The following ERCC3 variants were observed in gnomAD, a reference collection of about 807,000 sequenced individuals.
ERCC3 encodes ERCC excision repair 3, TFIIH core complex helicase subunit, also known as general transcription and DNA repair factor IIH helicase/translocase subunit XPB.
ERCC3 carries 66 observed loss-of-function variants against 94.2 expected under a neutral mutation model. That is an observed-to-expected ratio of 0.70 (90% CI 0.57 to 0.86). ERCC3 has a LOEUF of 0.86. Ranked by LOEUF, ERCC3 falls within the 40% of genes least tolerant of loss-of-function variation. The probability of loss-of-function intolerance (pLI) is 0.00; values close to 1 mark genes in which losing one functional copy is unlikely to be tolerated. For synonymous variants in ERCC3, 349 were observed against 369.1 expected, an observed-to-expected ratio of 0.95 and a Z score of 0.63; for missense variants, 829 against 987.1, an observed-to-expected ratio of 0.84 and a Z score of 2.15.
At position 127,259,204 on chromosome 2, in the gene ERCC3, C is replaced by A. The variant is rs889404607; in HGVS notation, c.2217+92G>T. 2.8e-6 allele frequency: 4 copies of A among 1,441,676 alleles called. No homozygotes were observed. Among genetic ancestry groups the A allele is most frequent in the Non-Finnish European group, 3.9e-6 (4 of 1,027,936 alleles). The allele number at this position is 1,441,676 out of a possible 1,614,324, so 89.3% of individuals were successfully genotyped here. On this transcript the variant is annotated intron_variant, in intron 14 of 14. Coordinates refer to ENST00000285398, the MANE Select transcript of ERCC3 (RefSeq NM_000122.2). The surrounding 1 kb of genome is among the most constrained non-coding windows in gnomAD (Gnocchi z 4.9). ...CATTTCCAAAAAAATCCCATGGGCC[C>A]ATCCAGGCAGGACTACATGTCTGTG...
Position 127,264,450 on chromosome 2 carries a change from G to A in ERCC3, c.1946-3104C>T, listed in dbSNP as rs1308437709. 6.6e-6 allele frequency among the ~76,000 whole-genome samples: 1 copy of A among 152,192 alleles called. No homozygotes were observed. Among genetic ancestry groups the A allele is most frequent in the Non-Finnish European group, 1.5e-5 (1 of 68,034 alleles). ...CATTGCACTCCAGCCTGGGCAACAA[G>A]AGCAAGACTCTGCCTCAAAAAAACA... On this transcript the variant is annotated intron_variant, in intron 12 of 14. Coordinates refer to ENST00000285398, the MANE Select transcript of ERCC3 (RefSeq NM_000122.2). The surrounding 1 kb of genome is among the most constrained non-coding windows in gnomAD (Gnocchi z 4.4).
Position 127,289,684 on chromosome 2 carries a change from C to T in ERCC3, c.657+5G>A, listed in dbSNP as rs1245080329. 3 of 1,614,162 alleles carry T rather than the reference C, an allele frequency of 1.9e-6. No individual in the cohort carries two copies. Among genetic ancestry groups the T allele is most frequent in the Non-Finnish European group, 2.5e-6 (3 of 1,180,032 alleles). On this transcript the variant is annotated splice_donor_5th_base_variant and intron_variant, in intron 5 of 14. Coordinates refer to ENST00000285398, the MANE Select transcript of ERCC3 (RefSeq NM_000122.2). ...CACCCAAGGGTGGCCCAGGAGTCCA[C>T]ATACGGCAGATTTGCTTGTGAAAGT...
At chr2:127,289,643 C>T (rs765395716) in intron 5 of ERCC3, 46 bp downstream of exon 5, 6 of 1,613,416 alleles carry the variant, frequency 3.7e-6, no homozygotes, top group South Asian at 1.1e-5. Context: ...GAACTGAAAT[C>T]CTAAATGCCT....
rs1317774844 is a variant in ERCC3, at chr2:127,277,278, C to T, written c.1730+1895G>A. Among the ~76,000 whole-genome samples, 1 of 152,050 alleles carries T rather than the reference C, an allele frequency of 6.6e-6. No homozygotes were observed. Among genetic ancestry groups the T allele is most frequent in the East Asian group, 1.9e-4 (1 of 5,190 alleles). ...AACAGAACTGAGAAATTACCTGACC[C>T]TACTGAGTTTATGGTTATGTGAAGA... On this transcript the variant is annotated intron_variant, in intron 10 of 14. Coordinates refer to ENST00000285398, the MANE Select transcript of ERCC3 (RefSeq NM_000122.2). The surrounding 1 kb of genome is among the most constrained non-coding windows in gnomAD (Gnocchi z 5.1).
chr2:127,263,613 A>C (rs962058764), intron 12 of ERCC3, among the ~76,000 whole-genome samples: 3 of 149,838 alleles, frequency 2.0e-5, no homozygotes, highest in Non-Finnish European at 4.4e-5. Context: ...GATGCCTTTT[A>C]TTTCTTTATC....
Position 127,279,589 on chromosome 2 carries a change from C to T in ERCC3, c.1528-214G>A, listed in dbSNP as rs960025512. On this transcript the variant is annotated intron_variant, in intron 9 of 14. Transcript: ENST00000285398. The surrounding 1 kb of genome is among the most constrained non-coding windows in gnomAD (Gnocchi z 4.7). ...CCAGCCTGGCCAACACAGTGAAACC[C>T]AGTCTCTACTAAAAATACAAAAATT... Among the ~76,000 whole-genome samples the T allele has an allele frequency of 1.3e-5, 2 of 152,094 alleles. No homozygotes were observed. The highest frequency in any genetic ancestry group is 4.8e-5 in the African/African-American group (2 of 41,406).
chr2:127,259,533 G>C lies in ERCC3; in HGVS notation c.2065-85C>G. On this transcript the variant is annotated intron_variant, in intron 13 of 14. Transcript: ENST00000285398. The surrounding 1 kb of genome is among the most constrained non-coding windows in gnomAD (Gnocchi z 4.9). The stretch of plus-strand genomic sequence containing the variant: ...GCCTTCTCCTGGGTCCACCTGCTTT[G>C]GTCACTTCCCTCCCCAGGCCCAGCC... 2 of 1,578,934 alleles carry C rather than the reference G, an allele frequency of 1.3e-6. No homozygotes were observed. The highest frequency in any genetic ancestry group is 1.7e-6 in the Non-Finnish European group (2 of 1,155,510).
intron 10 of ERCC3, 39 bp from the exon 11 acceptor site, chr2:127,273,000 G>A: frequency 1.6e-6 from 2 of 1,254,774 alleles, no homozygotes; most frequent in South Asian, 2.4e-5. Flanking sequence ...ACAGAATAAT[G>A]CCTCAGTTAT....
At chr2:127,272,317 G>A (rs1473744923) in intron 11 of ERCC3, among the ~76,000 whole-genome samples, 3 of 152,070 alleles carry the variant, frequency 2.0e-5, no homozygotes, top group Non-Finnish European at 2.9e-5. Flanking sequence ...GAGCCACCGC[G>A]CCCGGTTGTA....
rs536936407 is a variant in ERCC3, at chr2:127,259,244, C to T, written c.2217+52G>A. Reference sequence around the variant, plus strand: ...ACATGTCTGTGTCTGTGTCTACAAACGCTGCCCTGTGAGAGCACTGACACC... The same window carrying T: ...ACATGTCTGTGTCTGTGTCTACAAATGCTGCCCTGTGAGAGCACTGACACC... On this transcript the variant is annotated intron_variant, in intron 14 of 14. Transcript: ENST00000285398. The surrounding 1 kb of genome is among the most constrained non-coding windows in gnomAD (Gnocchi z 4.9). 13 of 1,606,672 alleles carry T rather than the reference C, an allele frequency of 8.1e-6. No individual in the cohort carries two copies. The highest frequency in any genetic ancestry group is 6.7e-5 in the Admixed American group (4 of 59,982).
In ERCC3 at chr2:127,288,806, T is replaced by G; in HGVS notation, c.881A>C (p.Glu294Ala). The change falls in exon 7 of 15, where the codon GAA becomes GCA. Residue 294 changes from glutamate to alanine, a missense_variant. By Grantham distance (107) the Glu-to-Ala change is moderately radical. Coordinates refer to ENST00000285398, the MANE Select transcript of ERCC3 (RefSeq NM_000122.2). ...GACAGAATCATTCCGGAAGTCATAT[T>G]CTGCCAACAGAGGGTACTCCAGGTG... is the stretch of plus-strand genomic sequence containing the variant. ...CIHLEYPLLAEYDFRNDSVNP... is the reference protein window; with the variant it reads ...CIHLEYPLLAAYDFRNDSVNP... The G allele has an allele frequency of 6.2e-7, 1 of 1,614,132 alleles. No individual in the cohort carries two copies. Among genetic ancestry groups the G allele is most frequent in the Non-Finnish European group, 8.5e-7 (1 of 1,179,990 alleles).
intron 12 of ERCC3, among the ~76,000 whole-genome samples, chr2:127,269,657 A>G (rs186838947): frequency 0.062 from 9,316 of 150,944 alleles, 490 homozygotes; most frequent in Non-Finnish European, 0.096. Flanking sequence ...TCCTGACCTC[A>G]TGATCTGCCT....
chr2:127,259,222 T>C lies in ERCC3; in HGVS notation c.2217+74A>G. On this transcript the variant is annotated intron_variant, in intron 14 of 14. Coordinates refer to ENST00000285398, the MANE Select transcript of ERCC3 (RefSeq NM_000122.2). The surrounding 1 kb of genome is among the most constrained non-coding windows in gnomAD (Gnocchi z 4.9). ...ATGGGCCCATCCAGGCAGGACTACA[T>C]GTCTGTGTCTGTGTCTACAAACGCT... is the stretch of plus-strand genomic sequence containing the variant. The C allele has an allele frequency of 1.3e-6, 2 of 1,553,802 alleles. No homozygotes were observed. The highest frequency in any genetic ancestry group is 8.9e-7 in the Non-Finnish European group (1 of 1,126,598).
intron 1 of ERCC3, 149 bp from the exon 2 acceptor site, chr2:127,293,867 T>A (rs1402277701): frequency 6.5e-7 from 1 of 1,545,070 alleles, no homozygotes; most frequent in African/African-American, 1.4e-5. Context: ...CCGTCTCCCC[T>A]AGGCCGAGTT....
At chr2:127,287,933 C>T (rs1685133248) in intron 7 of ERCC3, among the ~76,000 whole-genome samples, 1 of 152,094 alleles carries the variant, frequency 6.6e-6, no homozygotes, top group African/African-American at 2.4e-5. Flanking sequence ...TATAAAAATA[C>T]ACTGTGAGTT....
intron 2 of ERCC3, 55 bp downstream of exon 2, chr2:127,293,458 T>C (rs1685347634): frequency 6.6e-7 from 1 of 1,525,280 alleles, no homozygotes; most frequent in African/African-American, 1.4e-5. Context: ...ATGCCCAAGA[T>C]TTAGCTGCCG....
At chr2:127,261,082 G>T in intron 13 of ERCC3, 146 bp downstream of exon 13, 1 of 704,068 alleles carries the variant, frequency 1.4e-6, no homozygotes, top group Non-Finnish European at 2.6e-6. Context: ...AGAGATTCAT[G>T]CAGAGATAAA....
At position 127,284,859 on chromosome 2, in the gene ERCC3, A is replaced by AT. The variant is rs968379209; in HGVS notation, c.1342+1843dup. On this transcript the variant is annotated intron_variant, in intron 8 of 14. Coordinates refer to ENST00000285398, the MANE Select transcript of ERCC3 (RefSeq NM_000122.2). This position sits in a 1 kb window ranked among gnomAD's most constrained non-coding sequence, Gnocchi z 4.1. ...CCACCACACTTGGCTAATTAAAAAA[A>AT]TTTTTTTTTGTAGAGACATGTCTCA... Among the ~76,000 whole-genome samples, 12 of 151,394 alleles carry AT rather than the reference A, an allele frequency of 7.9e-5. No homozygotes were observed. The highest frequency in any genetic ancestry group is 3.3e-4 in the Admixed American group (5 of 15,170).
At chr2:127,268,785 G>T (rs368549365) in intron 12 of ERCC3, among the ~76,000 whole-genome samples, 9 of 152,210 alleles carry the variant, frequency 5.9e-5, no homozygotes, top group African/African-American at 2.2e-4. Flanking sequence ...TCTCACCCTC[G>T]ATCTTAGCAA....
Sources: allele counts gnomAD v4.1 joint callset (sites outside exome capture counted in the v4.1 genomes callset), GRCh38; gene constraint gnomAD v4.1.1; non-coding constraint Gnocchi (gnomAD v3.1); transcripts MANE v1.5; gene names NCBI Gene and HGNC (gene_info 2026-07-23, HGNC 2026-07-21).